Variants in MAF observed in about 807,000 individuals in gnomAD.
MAF encodes the protein MAF bZIP transcription factor.
A neutral mutation model predicts 22.0 loss-of-function variants in MAF; 10 were observed. That is an observed-to-expected ratio of 0.45 (90% CI 0.28 to 0.77). The LOEUF is 0.77. Ranked by LOEUF, MAF falls within the 30% of genes least tolerant of loss-of-function variation. The pLI is 0.12. For missense variants in MAF, 544 were observed against 548.4 expected, an observed-to-expected ratio of 0.99 and a Z score of 0.08; for synonymous variants, 337 against 255.8, an observed-to-expected ratio of 1.32 and a Z score of -3.03.
the MAF span, among the ~76,000 whole-genome samples, chr16:79,295,759 A>G: frequency 6.6e-6 from 1 of 152,336 alleles, no homozygotes. Context: ...CCTGTGTGTC[A>G]GGCACAGTGG....
the MAF span, among the ~76,000 whole-genome samples, chr16:79,357,926 G>A: frequency 6.6e-6 from 1 of 152,206 alleles, no homozygotes; most frequent in East Asian, 1.9e-4. Context: ...CCTGATCCGG[G>A]CTGGGACTGC....
At chr16:79,239,100 A>G in the MAF span, among the ~76,000 whole-genome samples, 53 of 152,190 alleles carry the variant, frequency 3.5e-4, 1 homozygote, top group East Asian at 1.9e-3. Flanking sequence ...GGATTTGTCC[A>G]TAGTCACTGT....
At chr16:79,490,253 G>A in the MAF span, among the ~76,000 whole-genome samples, 1 of 152,252 alleles carries the variant, frequency 6.6e-6, no homozygotes, top group African/African-American at 2.4e-5. Flanking sequence ...ACACAGGCAC[G>A]GCTGGAAATC....
chr16:79,334,840 T>A, the MAF span, among the ~76,000 whole-genome samples: 1 of 116,210 alleles, frequency 8.6e-6, no homozygotes, highest in Non-Finnish European at 1.6e-5. Flanking sequence ...GTCAATAAAG[T>A]GTGTGTGTGT....
At chr16:79,522,215 C>G in the MAF span, among the ~76,000 whole-genome samples, 2 of 152,356 alleles carry the variant, frequency 1.3e-5, no homozygotes, top group Non-Finnish European at 2.9e-5. Flanking sequence ...TCAGCCCAGA[C>G]TCTCCACTGT....
intron 1 of MAF, chr16:79,596,084 T>G: frequency 9.4e-7 from 1 of 1,062,474 alleles, no homozygotes; most frequent in Non-Finnish European, 1.1e-6. Flanking sequence ...TCAATGCATA[T>G]GTGCGCAAGC....
the MAF span, among the ~76,000 whole-genome samples, chr16:79,351,966 A>T: frequency 6.6e-6 from 1 of 152,116 alleles, no homozygotes; most frequent in Admixed American, 6.6e-5. Flanking sequence ...GCATGCCGGG[A>T]CACCATCCAG....
the MAF span, among the ~76,000 whole-genome samples, chr16:79,538,465 G>A: frequency 0.012 from 1,900 of 152,256 alleles, 42 homozygotes; most frequent in African/African-American, 0.043. Flanking sequence ...AAGAAAGTAT[G>A]GGGGAAGAAT....
At chr16:79,382,323 C>T in the MAF span, among the ~76,000 whole-genome samples, 2 of 152,124 alleles carry the variant, frequency 1.3e-5, no homozygotes, top group African/African-American at 2.4e-5. Context: ...CTCCTTTGAC[C>T]GATTTAATGG....
the MAF span, among the ~76,000 whole-genome samples, chr16:79,238,319 G>A: frequency 6.6e-6 from 1 of 152,072 alleles, no homozygotes; most frequent in Non-Finnish European, 1.5e-5. Context: ...CTTCTTTCCT[G>A]GCTCTTGGAA....
the MAF span, among the ~76,000 whole-genome samples, chr16:79,483,540 G>C: frequency 1.3e-5 from 2 of 152,024 alleles, no homozygotes; most frequent in South Asian, 4.2e-4. Flanking sequence ...CACGGAATTA[G>C]AAGAGAATAG....
the MAF span, among the ~76,000 whole-genome samples, chr16:79,571,274 G>C: frequency 2.0e-5 from 3 of 152,092 alleles, no homozygotes; most frequent in South Asian, 6.2e-4. Context: ...TGAAGAATCA[G>C]CTCCACCCTC....
chr16:79,326,890 G>C, the MAF span, among the ~76,000 whole-genome samples: 4 of 152,228 alleles, frequency 2.6e-5, no homozygotes, highest in South Asian at 8.3e-4. Context: ...AACAGGAAAT[G>C]AATAGATTTT....
At chr16:79,541,040 T>G in the MAF span, among the ~76,000 whole-genome samples, 1 of 152,316 alleles carries the variant, frequency 6.6e-6, no homozygotes, top group Admixed American at 6.5e-5. Context: ...TTACTACTGC[T>G]GTTGCTACCA....
the MAF span, among the ~76,000 whole-genome samples, chr16:79,382,726 A>G: frequency 6.6e-6 from 1 of 152,356 alleles, no homozygotes; most frequent in South Asian, 2.1e-4. Context: ...TCAGAGCATC[A>G]TATCTCAGAA....
chr16:79,565,378 A>C, the MAF span, among the ~76,000 whole-genome samples: 1 of 152,182 alleles, frequency 6.6e-6, no homozygotes, highest in Non-Finnish European at 1.5e-5. Context: ...TTTACAGAAA[A>C]GGTCTGCTGA....
chr16:79,540,788 G>A, the MAF span, among the ~76,000 whole-genome samples: 180 of 152,258 alleles, frequency 1.2e-3, no homozygotes, highest in African/African-American at 3.9e-3. Context: ...TCTGACATGT[G>A]GGGAAAACAG....
At chr16:79,414,610 A>T in the MAF span, among the ~76,000 whole-genome samples, 1 of 152,214 alleles carries the variant, frequency 6.6e-6, no homozygotes, top group Non-Finnish European at 1.5e-5. Flanking sequence ...TCAGTGGGAT[A>T]CAGAGGTAAA....
At chr16:79,543,795 T>C in the MAF span, among the ~76,000 whole-genome samples, 1 of 151,654 alleles carries the variant, frequency 6.6e-6, no homozygotes, top group Non-Finnish European at 1.5e-5. Flanking sequence ...CACGGCATTC[T>C]CCTGCGTCAG....
Sources: allele counts gnomAD v4.1 joint callset (sites outside exome capture counted in the v4.1 genomes callset), GRCh38; gene constraint gnomAD v4.1.1; transcripts MANE v1.5; gene names NCBI Gene and HGNC (gene_info 2026-07-23, HGNC 2026-07-21).